Variants in SGCD observed in about 807,000 individuals in gnomAD.
SGCD encodes the protein sarcoglycan delta.
A neutral mutation model predicts 36.6 loss-of-function variants in SGCD; 18 were observed. That is an observed-to-expected ratio of 0.49 (90% CI 0.34 to 0.73). The LOEUF (loss-of-function observed/expected upper bound fraction) is 0.73, where lower values mean the gene tolerates loss of function less well. SGCD is among the 30% of genes least tolerant of loss of function. The pLI, the probability that SGCD is intolerant of heterozygous loss-of-function variation, is 0.01. For missense variants in SGCD, 387 were observed against 346.7 expected (o/e 1.12, Z -0.92); for synonymous variants, 133 against 130.6 (o/e 1.02, Z -0.12).
intron 3 of SGCD, among the ~76,000 whole-genome samples, chr5:156,175,141 A>C (rs1294978726): frequency 1.3e-5 from 2 of 152,146 alleles, no homozygotes; most frequent in Non-Finnish European, 2.9e-5. Context: ...GTAACATAGA[A>C]TTGATTTAAT....
At chr5:156,349,333 A>G (rs945153010) in intron 3 of SGCD, among the ~76,000 whole-genome samples, 1 of 152,126 alleles carries the variant, frequency 6.6e-6, no homozygotes, top group Non-Finnish European at 1.5e-5. Context: ...AGTGGGAGAA[A>G]AAATTTGCAA....
intron 4 of SGCD, among the ~76,000 whole-genome samples, chr5:156,556,933 G>C (rs1350534710): frequency 6.6e-6 from 1 of 152,142 alleles, no homozygotes; most frequent in East Asian, 1.9e-4. Context: ...TCTACTGTTT[G>C]AAAGCAAATT....
At chr5:156,005,924 T>C (rs1288150077) in intron 1 of SGCD, among the ~76,000 whole-genome samples, 3 of 152,240 alleles carry the variant, frequency 2.0e-5, no homozygotes, top group Non-Finnish European at 2.9e-5. Context: ...GCATAGACTT[T>C]AGTGCCAGAT....
At chr5:156,731,425 G>A (rs1460449940) in intron 7 of SGCD, among the ~76,000 whole-genome samples, 1 of 152,168 alleles carries the variant, frequency 6.6e-6, no homozygotes, top group African/African-American at 2.4e-5. Context: ...TATGATGTAA[G>A]GAACAGGTTC....
intron 1 of SGCD, among the ~76,000 whole-genome samples, chr5:155,939,191 G>C (rs746681108): frequency 1.5e-4 from 23 of 152,206 alleles, no homozygotes; most frequent in Admixed American, 9.8e-4. Context: ...AAATTGCTAA[G>C]AGAATAGGTT....
chr5:156,548,747 A>T (rs984286863), intron 4 of SGCD, among the ~76,000 whole-genome samples: 8 of 152,168 alleles, frequency 5.3e-5, no homozygotes, highest in African/African-American at 1.9e-4. Context: ...ACTAATGCAC[A>T]GTCACTGGTG....
intron 4 of SGCD, among the ~76,000 whole-genome samples, chr5:156,539,775 C>T (rs1033213940): frequency 6.6e-6 from 1 of 152,000 alleles, no homozygotes; most frequent in African/African-American, 2.4e-5. Flanking sequence ...AGAGGATACC[C>T]AGTAGTGGGA....
intron 6 of SGCD, among the ~76,000 whole-genome samples, chr5:156,621,767 G>GA (rs1424836539): frequency 1.3e-5 from 2 of 152,232 alleles, no homozygotes; most frequent in Admixed American, 6.5e-5. Context: ...AGAGAGTAGA[G>GA]ATGGAGTAGA....
At chr5:156,709,520 C>T (rs1754891355) in intron 7 of SGCD, among the ~76,000 whole-genome samples, 1 of 152,042 alleles carries the variant, frequency 6.6e-6, no homozygotes, top group Non-Finnish European at 1.5e-5. Context: ...AGGGTTTGTG[C>T]TGAAGACAAA....
At chr5:155,835,871 T>C in the SGCD span, among the ~76,000 whole-genome samples, 1 of 152,226 alleles carries the variant, frequency 6.6e-6, no homozygotes, top group African/African-American at 2.4e-5. Context: ...GATGAAATCC[T>C]GTGCCGTTCC....
At chr5:156,396,429 TTG>T (rs1275045224) in intron 3 of SGCD, among the ~76,000 whole-genome samples, 1 of 152,156 alleles carries the variant, frequency 6.6e-6, no homozygotes, top group Non-Finnish European at 1.5e-5. Flanking sequence ...TATGTAGTTT[TTG>T]TGTGTTTTTA....
chr5:156,047,014 C>T (rs554491961), intron 1 of SGCD, among the ~76,000 whole-genome samples: 9 of 152,134 alleles, frequency 5.9e-5, no homozygotes, highest in Non-Finnish European at 1.0e-4. Context: ...GAAACAGCAT[C>T]ATTGCTGGTA....
chr5:155,824,227 G>T, the SGCD span, among the ~76,000 whole-genome samples: 31 of 152,290 alleles, frequency 2.0e-4, no homozygotes, highest in South Asian at 5.6e-3. Flanking sequence ...AATGGAATGT[G>T]GACTGGGGAG....
intron 1 of SGCD, among the ~76,000 whole-genome samples, chr5:155,894,286 C>T (rs942324103): frequency 1.1e-4 from 16 of 152,166 alleles, no homozygotes; most frequent in African/African-American, 3.6e-4. Flanking sequence ...ATTATGGTTT[C>T]ATCAGTAGGC....
At chr5:156,186,457 C>T (rs1227826932) in intron 3 of SGCD, among the ~76,000 whole-genome samples, 1 of 152,182 alleles carries the variant, frequency 6.6e-6, no homozygotes, top group African/African-American at 2.4e-5. Context: ...CACTTTAGGA[C>T]ACATGAGATC....
chr5:156,705,879 T>C (rs1296679312), intron 7 of SGCD, among the ~76,000 whole-genome samples: 1 of 152,204 alleles, frequency 6.6e-6, no homozygotes, highest in Non-Finnish European at 1.5e-5. Context: ...GTGATGTGAC[T>C]TACATCTTGT....
rs138628221 is a variant in SGCD at position 155,900,955 on chromosome 5, G to A, written c.-282+30531G>A. On this transcript the variant is annotated intron_variant, in intron 1 of 9. Coordinates refer to the SGCD transcript ENST00000517913. ...TTTATCATTAAGGAAGTATTTAAAG[G>A]TATACTTTATCACCAAATGCTGGAG... Among the ~76,000 whole-genome samples the A allele has an allele frequency of 1.2e-4, 18 of 152,042 alleles. No individual in the cohort carries two copies. In the East Asian group the frequency reaches 2.7e-3, roughly 23 times the overall value.
At chr5:156,083,456 G>T (rs1319884924) in intron 1 of SGCD, among the ~76,000 whole-genome samples, 2 of 151,686 alleles carry the variant, frequency 1.3e-5, no homozygotes, top group African/African-American at 2.4e-5. Context: ...CACCATGCCT[G>T]GCTAATTCTT....
At chr5:156,702,953 C>T (rs948651083) in intron 7 of SGCD, among the ~76,000 whole-genome samples, 1 of 152,102 alleles carries the variant, frequency 6.6e-6, no homozygotes, top group African/African-American at 2.4e-5. Context: ...AAAGTTACTG[C>T]CCATTAAAAA....
Sources: allele counts gnomAD v4.1 joint callset (sites outside exome capture counted in the v4.1 genomes callset), GRCh38; gene constraint gnomAD v4.1.1; transcripts MANE v1.5; gene names NCBI Gene and HGNC (gene_info 2026-07-23, HGNC 2026-07-21).